Variants in ATP13A4 observed in about 807,000 individuals in gnomAD.
ATP13A4 encodes ATPase 13A4.
In ATP13A4, 114 loss-of-function variants were observed where a neutral mutation model predicts 142.5. That is an observed-to-expected ratio of 0.80 (90% confidence interval 0.69 to 0.93). The LOEUF is 0.93. Among genes scored for constraint, ATP13A4 ranks in the 40% least tolerant of loss-of-function variants. The probability of loss-of-function intolerance (pLI) is 0.00; values close to 1 mark genes in which losing one functional copy is unlikely to be tolerated. For missense variants in ATP13A4, 1,392 were observed against 1,454.0 expected (o/e 0.96, Z 0.69); for synonymous variants, 488 against 514.8 (o/e 0.95, Z 0.70).
At chr3:193,428,601 C>T (rs1038759707) in intron 25 of ATP13A4, among the ~76,000 whole-genome samples, 17 of 151,958 alleles carry the variant, frequency 1.1e-4, no homozygotes, top group African/African-American at 3.9e-4. Flanking sequence ...CCATGGAATA[C>T]TATGCAGCCA....
intron 2 of ATP13A4, among the ~76,000 whole-genome samples, chr3:193,510,252 T>C (rs1285293168): frequency 2.6e-5 from 4 of 152,174 alleles, no homozygotes; most frequent in Admixed American, 2.0e-4. Context: ...TGGCAGAGTT[T>C]CTAAGTTTTT....
chr3:193,463,067 C>T (rs148741379), intron 12 of ATP13A4, among the ~76,000 whole-genome samples: 118 of 152,032 alleles, frequency 7.8e-4, no homozygotes, highest in African/African-American at 2.8e-3. Flanking sequence ...GAAAATACTT[C>T]ACAAACATAT....
intron 1 of ATP13A4, among the ~76,000 whole-genome samples, chr3:193,531,677 T>C (rs1340056562): frequency 1.3e-5 from 2 of 152,174 alleles, no homozygotes; most frequent in East Asian, 3.8e-4. Flanking sequence ...ATGGATGACA[T>C]GAAGGTCTTT....
chr3:193,500,006 G>C lies in ATP13A4; in HGVS notation c.381+2487C>G, dbSNP rs146338667. ...AATGGCTCCATCCTAGACCTTTTGA[G>C]CATATTTGAGATTCCCGCAGGAGAA... On this transcript the variant is annotated intron_variant, in intron 3 of 29. Transcript: ENST00000342695. Among the ~76,000 whole-genome samples the C allele has an allele frequency of 4.6e-3, 703 of 152,254 alleles. 5 individuals are homozygous for C. Among genetic ancestry groups the C allele is most frequent in the African/African-American group, 0.016 (674 of 41,530 alleles).
intron 1 of ATP13A4, among the ~76,000 whole-genome samples, chr3:193,587,446 T>C (rs1027208605): frequency 6.6e-6 from 1 of 152,184 alleles, no homozygotes; most frequent in African/African-American, 2.4e-5. Flanking sequence ...TTGGATGGCA[T>C]TTAGGGCCTA....
chr3:193,539,897 A>T (rs1722791942), intron 1 of ATP13A4, among the ~76,000 whole-genome samples: 1 of 152,070 alleles, frequency 6.6e-6, no homozygotes, highest in South Asian at 2.1e-4. Context: ...ATACATGGAC[A>T]CTCTGTGGGA....
chr3:193,562,881 AC>A (rs1724048922), intron 2 of ATP13A4, among the ~76,000 whole-genome samples: 1 of 152,148 alleles, frequency 6.6e-6, no homozygotes, highest in African/African-American at 2.4e-5. Flanking sequence ...AATAAAAATA[AC>A]AATAAAAATT....
chr3:193,457,596 G>A (rs1421379324), intron 14 of ATP13A4, 131 bp from the exon 15 acceptor site: 1 of 823,878 alleles, frequency 1.2e-6, no homozygotes. Context: ...TTCCCTCAGA[G>A]GTGAACCAGA....
At chr3:193,425,727 A>T (rs1015050870) in intron 25 of ATP13A4, among the ~76,000 whole-genome samples, 11 of 151,736 alleles carry the variant, frequency 7.2e-5, no homozygotes, top group Non-Finnish European at 3.0e-5. Flanking sequence ...TAGAGAGGAG[A>T]AGGGGATGGA....
rs964112859 is a variant in ATP13A4 at position 193,448,233 on chromosome 3, C to T, written c.2125G>A (p.Ala709Thr). 1 of 1,614,126 alleles carries T rather than the reference C, an allele frequency of 6.2e-7. No individual in the cohort carries two copies. The highest frequency in any genetic ancestry group is 2.2e-5 in the East Asian group (1 of 44,882). ...GTGATCATTACAGTCCTTATCCGGG[C>T]TGAGATGAGCTCTTCCAAGACAGGT... ...TKPVLEELIS[A>T]RIRTVMITGD... Residue 709 changes from alanine (A) to threonine (T), a missense_variant, in exon 18 of 30, where the codon GCC becomes ACC. By Grantham distance (58) the Ala-to-Thr change is moderately conservative (BLOSUM62 0). Coordinates refer to ENST00000342695, the MANE Select transcript of ATP13A4 (RefSeq NM_032279.4).
chr3:193,476,826 T>G (rs760623294), intron 8 of ATP13A4, among the ~76,000 whole-genome samples: 3 of 151,978 alleles, frequency 2.0e-5, no homozygotes, highest in Admixed American at 6.6e-5. Flanking sequence ...TGACACCGAT[T>G]AAGTTTGCTA....
chr3:193,454,391 T>C (rs1033449184), intron 16 of ATP13A4, among the ~76,000 whole-genome samples, 179 bp from the exon 17 acceptor site: 5 of 152,198 alleles, frequency 3.3e-5, no homozygotes, highest in Admixed American at 6.5e-5. Context: ...TCTTCAGATG[T>C]AGTGAAGCTA....
chr3:193,417,076 T>C (rs1243957665), intron 25 of ATP13A4: 2 of 148,748 alleles, frequency 1.3e-5, no homozygotes, highest in African/African-American at 4.9e-5. Context: ...ACATTTAAGA[T>C]GCTGAAAGAA....
chr3:193,437,483 A>G (rs2108619818), intron 23 of ATP13A4, among the ~76,000 whole-genome samples: 1 of 152,324 alleles, frequency 6.6e-6, no homozygotes, highest in South Asian at 2.1e-4. Context: ...TGGAAATAGT[A>G]TATCTGTAGA....
intron 1 of ATP13A4, among the ~76,000 whole-genome samples, chr3:193,539,784 G>C (rs1397207947): frequency 6.6e-6 from 1 of 152,130 alleles, no homozygotes; most frequent in African/African-American, 2.4e-5. Flanking sequence ...AAAATGCTTA[G>C]CAATGGGTAT....
chr3:193,407,381 G>C lies in ATP13A4; in HGVS notation c.3310C>G (p.Pro1104Ala), dbSNP rs995919521. The C allele has an allele frequency of 6.2e-7, 1 of 1,613,240 alleles. No individual in the cohort carries two copies. The highest frequency in any genetic ancestry group is 8.5e-7 in the Non-Finnish European group (1 of 1,179,310). The change falls in exon 29 of 30, where the codon CCC (proline) becomes GCC (alanine). Residue 1104 changes from proline (P) to alanine (A), a missense_variant. By Grantham distance (27) the Pro-to-Ala change is conservative. Coordinates refer to ENST00000342695, the MANE Select transcript of ATP13A4 (RefSeq NM_032279.4). ...LYRRLDLLCT[P>A]VLWRASIVIM... ...ACAATGGAGGCCCTCCACAGGACGG[G>C]AGTGCAGAGCAGCTGGCGGGAGATG... is the stretch of plus-strand genomic sequence containing the variant.
chr3:193,491,921 G>T (rs1036158928), intron 5 of ATP13A4, among the ~76,000 whole-genome samples: 2 of 152,138 alleles, frequency 1.3e-5, no homozygotes, highest in African/African-American at 4.8e-5. Context: ...TCAGCTTTTT[G>T]ATTCAGTGTC....
chr3:193,457,597 G>A, intron 14 of ATP13A4, 132 bp from the exon 15 acceptor site: 3 of 819,892 alleles, frequency 3.7e-6, no homozygotes, highest in Non-Finnish European at 6.2e-6. Context: ...TCCCTCAGAG[G>A]TGAACCAGAT....
intron 1 of ATP13A4, among the ~76,000 whole-genome samples, chr3:193,548,346 G>A (rs569126293): frequency 2.6e-5 from 4 of 152,300 alleles, no homozygotes; most frequent in Admixed American, 6.5e-5. Context: ...GTAATGGGAA[G>A]GGGAAGGGAT....
Sources: allele counts gnomAD v4.1 joint callset (sites outside exome capture counted in the v4.1 genomes callset), GRCh38; gene constraint gnomAD v4.1.1; transcripts MANE v1.5; gene names NCBI Gene and HGNC (gene_info 2026-07-23, HGNC 2026-07-21).